Variants in LARS2 observed in about 807,000 individuals in gnomAD.
LARS2 encodes leucyl-tRNA synthetase 2, mitochondrial.
In LARS2, 81 loss-of-function variants were observed where a neutral mutation model predicts 116.6. The observed-to-expected ratio is 0.69, with a 90% CI of 0.58 to 0.84. The LOEUF is 0.84. Ranked by LOEUF, LARS2 falls within the 40% of genes least tolerant of loss-of-function variation. LARS2 has a pLI of 0.00. For missense variants in LARS2, 968 were observed against 1,114.5 expected (o/e 0.87, Z 1.87); for synonymous variants, 396 against 407.2 (o/e 0.97, Z 0.33).
At chr3:45,393,560 G>C (rs953472865) in intron 2 of LARS2, among the ~76,000 whole-genome samples, 1 of 152,008 alleles carries the variant, frequency 6.6e-6, no homozygotes, top group African/African-American at 2.4e-5. Flanking sequence ...GGGCAATAGA[G>C]CGAGACTCTG....
rs1335478365 is a variant in LARS2, at chr3:45,548,899, C to G, written c.*1369C>G. 1 of 152,208 alleles carries G rather than the reference C, an allele frequency of 6.6e-6. No individual in the cohort carries two copies. The highest frequency in any genetic ancestry group is 6.5e-5 in the Admixed American group (1 of 15,282). The allele number at this position is 152,208 out of a possible 1,614,324, so 9.4% of individuals were successfully genotyped here. ...TTCCAATTTCAGAGTTAATTACAAA[C>G]AGATTGAGGTATTCCATCATCATCG... On this transcript the variant is annotated 3_prime_UTR_variant, in exon 22 of 22. Coordinates refer to ENST00000645846, the MANE Select transcript of LARS2 (RefSeq NM_015340.4).
intron 5 of LARS2, 101 bp downstream of exon 5, chr3:45,417,674 T>G (rs1698452513): frequency 2.8e-6 from 2 of 702,422 alleles, no homozygotes; most frequent in Non-Finnish European, 5.1e-6. Flanking sequence ...AACAAAACAC[T>G]GCAGCGTACC....
intron 7 of LARS2, among the ~76,000 whole-genome samples, chr3:45,452,316 T>A (rs572639489): frequency 1.6e-4 from 25 of 152,190 alleles, no homozygotes; most frequent in Non-Finnish European, 3.4e-4. Context: ...TGGTATTAGC[T>A]ATAGGCTTGT....
chr3:45,457,728 A>C (rs954582157), intron 7 of LARS2, among the ~76,000 whole-genome samples: 2 of 152,212 alleles, frequency 1.3e-5, no homozygotes, highest in African/African-American at 4.8e-5. Context: ...GGATATTTTA[A>C]GTCCCCAACA....
chr3:45,442,757 C>T (rs187907179), intron 6 of LARS2, among the ~76,000 whole-genome samples: 166 of 152,228 alleles, frequency 1.1e-3, no homozygotes, highest in African/African-American at 3.7e-3. Flanking sequence ...CTCACTTAAC[C>T]GCCTCCATCT....
chr3:45,496,747 A>G (rs549130304), intron 14 of LARS2, among the ~76,000 whole-genome samples: 1 of 152,342 alleles, frequency 6.6e-6, no homozygotes, highest in African/African-American at 2.4e-5. Flanking sequence ...GGAGAGCAAC[A>G]TGGGCTGGCA....
chr3:45,474,535 T>C (rs999114235), intron 9 of LARS2, among the ~76,000 whole-genome samples, 185 bp downstream of exon 9: 1 of 152,226 alleles, frequency 6.6e-6, no homozygotes, highest in African/African-American at 2.4e-5. Flanking sequence ...TTCAATAACA[T>C]ATTTTATTTA....
chr3:45,469,432 G>A (rs1366669063), intron 8 of LARS2, among the ~76,000 whole-genome samples: 1 of 151,960 alleles, frequency 6.6e-6, no homozygotes, highest in Non-Finnish European at 1.5e-5. Context: ...TAGAACCTCC[G>A]CCTCCTGGGT....
rs996481177 is a variant in LARS2, at chr3:45,473,488, A to G, written c.751-755A>G. Among the ~76,000 whole-genome samples, 4 of 151,794 alleles carry G rather than the reference A, an allele frequency of 2.6e-5. No individual in the cohort carries two copies. In the South Asian group the frequency reaches 8.3e-4, roughly 32 times the overall value. ...CAACCTCTGCTTCAGGGTTCAAGCA[A>G]TTCTCCTGCCTCAGCCTCCCAAGTA... On this transcript the variant is annotated intron_variant, in intron 8 of 21. Transcript: ENST00000645846.
At chr3:45,446,869 T>C in intron 6 of LARS2, 22 bp from the exon 7 acceptor site, 1 of 1,497,770 alleles carries the variant, frequency 6.7e-7, no homozygotes, top group African/African-American at 1.4e-5. Flanking sequence ...GCCTGTACAT[T>C]ATTTTTCTTC....
At chr3:45,546,973 C>G (rs745490720) in intron 21 of LARS2, among the ~76,000 whole-genome samples, 1 of 152,198 alleles carries the variant, frequency 6.6e-6, no homozygotes, top group Non-Finnish European at 1.5e-5. Context: ...TAAACTTGAG[C>G]CCCGATGACA....
At chr3:45,403,130 A>T (rs571735252) in intron 4 of LARS2, among the ~76,000 whole-genome samples, 3 of 150,298 alleles carry the variant, frequency 2.0e-5, no homozygotes, top group African/African-American at 7.4e-5. Context: ...AAAAAAAAAA[A>T]AGAAAGATGT....
At chr3:45,504,627 G>T (rs1277794984) in intron 15 of LARS2, among the ~76,000 whole-genome samples, 1 of 151,930 alleles carries the variant, frequency 6.6e-6, no homozygotes, top group Non-Finnish European at 1.5e-5. Context: ...GAATTTGCCA[G>T]TTCTGCTTTG....
intron 8 of LARS2, 85 bp from the exon 9 acceptor site, chr3:45,474,155 TTTC>T (rs1290206554): frequency 3.9e-6 from 3 of 763,892 alleles, no homozygotes; most frequent in Non-Finnish European, 6.5e-6. Context: ...TGTCCCTGCT[TTTC>T]CTACCTTAAC....
At chr3:45,469,551 G>A (rs1398670971) in intron 8 of LARS2, among the ~76,000 whole-genome samples, 1 of 151,956 alleles carries the variant, frequency 6.6e-6, no homozygotes, top group Non-Finnish European at 1.5e-5. Context: ...TCACCATGTT[G>A]GTCAGGCTGG....
In LARS2 at chr3:45,388,740, G is replaced by GCGGA. The variant is rs1310221568; in HGVS notation, c.-88+60_-88+61insCGGA. On this transcript the variant is annotated intron_variant, in intron 1 of 21. Transcript: ENST00000645846. ...ACGAGGCCCAGTCTCCTCTTCCTCC[G>GCGGA]GCTCGGGAGATTCTGACTTGCTGAG... 2.6e-5 allele frequency: 4 copies of GCGGA among 152,406 alleles called. No homozygotes were observed. The East Asian group carries it at 7.7e-4, about 29-fold the overall frequency. 9.4% of individuals were successfully genotyped at this position (152,406 alleles called of 1,614,324 possible).
chr3:45,471,730 T>C (rs902124194), intron 8 of LARS2, among the ~76,000 whole-genome samples: 1 of 152,212 alleles, frequency 6.6e-6, no homozygotes, highest in African/African-American at 2.4e-5. Flanking sequence ...TGGAGCCTCA[T>C]TGGTCTTTGG....
At chr3:45,516,926 A>G (rs1366493851) in intron 17 of LARS2, among the ~76,000 whole-genome samples, 1 of 152,248 alleles carries the variant, frequency 6.6e-6, no homozygotes, top group African/African-American at 2.4e-5. Context: ...AACCCGTCCA[A>G]CAGTCATTCA....
At chr3:45,466,682 C>G (rs1391627886) in intron 8 of LARS2, among the ~76,000 whole-genome samples, 2 of 152,008 alleles carry the variant, frequency 1.3e-5, no homozygotes, top group Non-Finnish European at 2.9e-5. Flanking sequence ...GGCCAGAACC[C>G]AACTTGGGTC....
Sources: gnomAD v4.1 joint callset for allele counts (sites outside exome capture counted in the v4.1 genomes callset) on GRCh38, gnomAD v4.1.1 for gene constraint, MANE v1.5 for transcripts, NCBI Gene and HGNC (gene_info 2026-07-23, HGNC 2026-07-21) for gene names.